Variants in LDLRAD4 observed in about 807,000 individuals in gnomAD.
LDLRAD4 encodes low-density lipoprotein receptor class A domain-containing protein 4.
A neutral mutation model predicts 17.0 loss-of-function variants in LDLRAD4; 5 were observed. The observed-to-expected ratio is 0.29, with a 90% CI of 0.15 to 0.62. The LOEUF (loss-of-function observed/expected upper bound fraction) is 0.62. Ranked by LOEUF, LDLRAD4 falls within the 20% of genes least tolerant of loss-of-function variation. The pLI is 0.84. For synonymous variants in LDLRAD4, 168 were observed against 171.8 expected, an observed-to-expected ratio of 0.98 and a Z score of 0.17; for missense variants, 340 against 424.7, an observed-to-expected ratio of 0.80 and a Z score of 1.75.
intron 3 of LDLRAD4, among the ~76,000 whole-genome samples, chr18:13,439,233 T>C (rs919387138): frequency 2.0e-5 from 3 of 152,210 alleles, no homozygotes; most frequent in Non-Finnish European, 2.9e-5. Context: ...ATTTTTGTTA[T>C]GGAAATTAGA....
At chr18:13,413,643 T>C (rs1266693574) in intron 2 of LDLRAD4, among the ~76,000 whole-genome samples, 1 of 152,252 alleles carries the variant, frequency 6.6e-6, no homozygotes, top group Admixed American at 6.5e-5. Context: ...GGGAATTCTA[T>C]TCAATCATTC....
At chr18:13,305,030 A>G (rs1394459059) in intron 1 of LDLRAD4, among the ~76,000 whole-genome samples, 1 of 152,174 alleles carries the variant, frequency 6.6e-6, no homozygotes, top group Non-Finnish European at 1.5e-5. Flanking sequence ...CAATAAATAT[A>G]TTGGAAATTT....
chr18:13,268,605 C>G (rs913351230), intron 1 of LDLRAD4, among the ~76,000 whole-genome samples: 2 of 152,224 alleles, frequency 1.3e-5, no homozygotes, highest in African/African-American at 4.8e-5. Flanking sequence ...CTCCAGACTT[C>G]GCTGCTTTCT....
chr18:13,641,959 T>G, intron 4 of LDLRAD4: 5 of 985,262 alleles, frequency 5.1e-6, no homozygotes, highest in Non-Finnish European at 6.0e-6. Flanking sequence ...GGAGCGCCCC[T>G]GCGGGCCCAG....
intron 1 of LDLRAD4, among the ~76,000 whole-genome samples, chr18:13,384,085 G>A (rs924804007): frequency 5.3e-5 from 8 of 152,134 alleles, no homozygotes; most frequent in Non-Finnish European, 1.2e-4. Context: ...ACCACGCTTA[G>A]ACCTCATGGG....
At chr18:13,374,557 T>G (rs1475453133) in intron 1 of LDLRAD4, among the ~76,000 whole-genome samples, 1 of 152,214 alleles carries the variant, frequency 6.6e-6, no homozygotes, top group Non-Finnish European at 1.5e-5. Flanking sequence ...GGCACCTTAA[T>G]CTCAGGAAGC....
At chr18:13,634,448 T>G (rs535005353) in intron 4 of LDLRAD4, among the ~76,000 whole-genome samples, 30 of 152,280 alleles carry the variant, frequency 2.0e-4, no homozygotes, top group Middle Eastern at 3.4e-3. Flanking sequence ...GTAAGGAAAT[T>G]AAGAAAATTC....
In LDLRAD4 at chr18:13,621,413, G is replaced by A. The variant is rs1223394789; in HGVS notation, c.336+142G>A. On this transcript the variant is annotated intron_variant, in intron 4 of 5. Transcript: ENST00000359446. This position sits in a 1 kb window ranked among gnomAD's most constrained non-coding sequence, Gnocchi z 5.5. Reference sequence around the variant, plus strand: ...GCACCTCGTAAGTGTTCCACTTAGTGAGTCCCCACAAACTGAACACACCAG... The same window carrying A: ...GCACCTCGTAAGTGTTCCACTTAGTAAGTCCCCACAAACTGAACACACCAG... 4.6e-6 allele frequency: 3 copies of A among 653,322 alleles called. No individual in the cohort carries two copies. The highest frequency in any genetic ancestry group is 8.1e-6 in the Non-Finnish European group (3 of 369,558). 40.5% of individuals were successfully genotyped at this position (653,322 alleles called of 1,614,324 possible). A position where few individuals can be genotyped will look rare whatever the true frequency, so the allele number is the denominator to read the frequency against.
At chr18:13,566,618 C>T (rs1281100343) in intron 3 of LDLRAD4, among the ~76,000 whole-genome samples, 2 of 152,158 alleles carry the variant, frequency 1.3e-5, no homozygotes, top group East Asian at 3.9e-4. Flanking sequence ...GCCTTGGCCT[C>T]CCAAAGCGGT....
chr18:13,280,354 T>C (rs199774084), intron 1 of LDLRAD4, among the ~76,000 whole-genome samples: 2 of 152,364 alleles, frequency 1.3e-5, no homozygotes, highest in Non-Finnish European at 2.9e-5. Flanking sequence ...ATAATATTTA[T>C]CTCATGGAAT....
At chr18:13,526,557 A>G (rs766291449) in intron 3 of LDLRAD4, 2 of 152,134 alleles carry the variant, frequency 1.3e-5, no homozygotes, top group Non-Finnish European at 2.9e-5. Context: ...CATTTTCTCC[A>G]TTGTCTTGCT....
intron 1 of LDLRAD4, among the ~76,000 whole-genome samples, chr18:13,260,435 T>C (rs189059274): frequency 3.1e-4 from 47 of 152,354 alleles, no homozygotes; most frequent in Non-Finnish European, 5.7e-4. Flanking sequence ...ATAAATGCCT[T>C]AAATGTATTA....
chr18:13,643,340 T>C lies in LDLRAD4; in HGVS notation c.337-19T>C. On this transcript the variant is annotated intron_variant, in intron 4 of 5. Coordinates refer to ENST00000359446, the Ensembl canonical transcript of LDLRAD4. ...CTGTTTCTTGTTCCCCCCACTCTCC[T>C]CCCCTTCCCCTCCGCCAGGAAGGGT... 6.8e-7 allele frequency: 1 copy of C among 1,460,572 alleles called. No homozygotes were observed. Among genetic ancestry groups the C allele is most frequent in the South Asian group, 1.4e-5 (1 of 72,780 alleles). The allele number at this position is 1,460,572 out of a possible 1,614,324, so 90.5% of individuals were successfully genotyped here. A position where few individuals can be genotyped will look rare whatever the true frequency, so the allele number is the denominator to read the frequency against.
chr18:13,447,025 G>C (rs1267890778), intron 3 of LDLRAD4, among the ~76,000 whole-genome samples: 3 of 152,188 alleles, frequency 2.0e-5, no homozygotes, highest in Admixed American at 6.5e-5. Context: ...AGGGGCTCTG[G>C]GTTTCCACAG....
intron 3 of LDLRAD4, among the ~76,000 whole-genome samples, chr18:13,544,546 T>A (rs2094332270): frequency 6.6e-6 from 1 of 152,204 alleles, no homozygotes; most frequent in South Asian, 2.1e-4. Context: ...GAGTGGCTCC[T>A]GGTACAGTGA....
In LDLRAD4 at chr18:13,618,428, T is replaced by G. The variant is rs116454083; in HGVS notation, c.182-2689T>G. Among the ~76,000 whole-genome samples the G allele has an allele frequency of 5.9e-3, 901 of 152,358 alleles. 5 individuals carry two copies. Among genetic ancestry groups the G allele is most frequent in the African/African-American group, 0.02 (827 of 41,582 alleles). On this transcript the variant is annotated intron_variant, in intron 3 of 5. Transcript: ENST00000359446. ...TTCATTATTTTTATAATAAAAATCC[T>G]TTTCAAATGAAACACAAATATGTAA... is the stretch of plus-strand genomic sequence containing the variant.
At chr18:13,615,176 G>C (rs1305206550) in intron 3 of LDLRAD4, 2 of 152,360 alleles carry the variant, frequency 1.3e-5, no homozygotes, top group Non-Finnish European at 2.9e-5. Flanking sequence ...GGCCATTTCT[G>C]TGACATTGCA....
At chr18:13,517,098 G>A (rs1046962407) in intron 3 of LDLRAD4, among the ~76,000 whole-genome samples, 1 of 152,158 alleles carries the variant, frequency 6.6e-6, no homozygotes, top group South Asian at 2.1e-4. Context: ...CGATCCTCCC[G>A]CCTTGGCCTC....
At chr18:13,353,082 G>T (rs181937017) in intron 1 of LDLRAD4, among the ~76,000 whole-genome samples, 242 of 152,132 alleles carry the variant, frequency 1.6e-3, no homozygotes, top group African/African-American at 5.7e-3. Context: ...TAAAATCTTT[G>T]TCTAGTATAT....
Sources: gnomAD v4.1 joint callset for allele counts (sites outside exome capture counted in the v4.1 genomes callset) on GRCh38, gnomAD v4.1.1 for gene constraint, Gnocchi (gnomAD v3.1) non-coding constraint, MANE v1.5 for transcripts, NCBI Gene and HGNC (gene_info 2026-07-23, HGNC 2026-07-21) for gene names.